Variants in SEM1 observed in about 807,000 individuals in gnomAD.
SEM1 encodes SEM1 26S proteasome subunit.
SEM1 carries 3 observed loss-of-function variants against 12.7 expected under a neutral mutation model. That is an observed-to-expected ratio of 0.24 (90% CI 0.11 to 0.61). The LOEUF (loss-of-function observed/expected upper bound fraction) is 0.61. Ranked by LOEUF, SEM1 falls within the 20% of genes least tolerant of loss-of-function variation. SEM1 has a pLI of 0.88. For synonymous variants in SEM1, 30 were observed against 27.8 expected, an observed-to-expected ratio of 1.08 and a Z score of -0.25; for missense variants, 59 against 81.3, an observed-to-expected ratio of 0.73 and a Z score of 1.06.
At chr7:96,544,211 T>C (rs1476491825) in intron 2 of SEM1, among the ~76,000 whole-genome samples, 1 of 152,086 alleles carries the variant, frequency 6.6e-6, no homozygotes, top group African/African-American at 2.4e-5. Flanking sequence ...TCTAGTATTA[T>C]AAATTTTGCA....
At chr7:96,537,202 T>C (rs992395249) in intron 2 of SEM1, among the ~76,000 whole-genome samples, 1 of 151,762 alleles carries the variant, frequency 6.6e-6, no homozygotes, top group Non-Finnish European at 1.5e-5. Context: ...TCTCAATTTC[T>C]CTCTATGGCC....
At chr7:96,648,442 C>G (rs1270049866) in intron 2 of SEM1, among the ~76,000 whole-genome samples, 1 of 152,158 alleles carries the variant, frequency 6.6e-6, no homozygotes, top group Non-Finnish European at 1.5e-5. Context: ...TAATTTCTGA[C>G]CACTTGCTAT....
At position 96,622,564 on chromosome 7, in the gene SEM1, A is replaced by G. The variant is rs1238868692; in HGVS notation, c.*52T>C. The G allele has an allele frequency of 1.6e-5, 12 of 761,688 alleles. No homozygotes were observed. In the Middle Eastern group the frequency reaches 6.8e-4, roughly 43 times the overall value. The allele number at this position is 761,688 out of a possible 1,614,324, so 47.2% of individuals were successfully genotyped here. A position where few individuals can be genotyped will look rare whatever the true frequency, so the allele number is the denominator to read the frequency against. ...TGGTACCTTTGCCTTCTTTCTTATT[A>G]GCTGCATGATCAATGTGAAGCCTGA... is the stretch of plus-strand genomic sequence containing the variant. On this transcript the variant is annotated 3_prime_UTR_variant, in exon 3 of 3. Transcript: ENST00000417009.
At chr7:96,486,931 G>C (rs993742383) in intron 1 of SEM1, among the ~76,000 whole-genome samples, 1 of 152,128 alleles carries the variant, frequency 6.6e-6, no homozygotes, top group Non-Finnish European at 1.5e-5. Flanking sequence ...AGCACTGTGC[G>C]CATGCCTGTG....
At chr7:96,661,710 G>A (rs1034115306) in intron 2 of SEM1, among the ~76,000 whole-genome samples, 23 of 152,148 alleles carry the variant, frequency 1.5e-4, no homozygotes, top group African/African-American at 5.3e-4. Flanking sequence ...TCAGGGGGCC[G>A]GGCGTGGTGC....
chr7:96,619,169 T>C (rs904625999), downstream of SEM1, among the ~76,000 whole-genome samples: 8 of 152,346 alleles, frequency 5.3e-5, no homozygotes, highest in Middle Eastern at 3.4e-3. Context: ...CCCTGCTTTT[T>C]CATATTTCCT....
At chr7:96,536,892 A>T (rs759035869) in intron 2 of SEM1, among the ~76,000 whole-genome samples, 1 of 151,780 alleles carries the variant, frequency 6.6e-6, no homozygotes, top group African/African-American at 2.4e-5. Flanking sequence ...TACTAAGTGT[A>T]TTTAAACCAG....
intron 2 of SEM1, among the ~76,000 whole-genome samples, chr7:96,582,232 T>C (rs1297785970): frequency 1.3e-5 from 2 of 150,016 alleles, no homozygotes; most frequent in African/African-American, 4.9e-5. Context: ...GAGATAATCA[T>C]GTGGTTTTTG....
At chr7:96,595,628 T>G (rs1416859419) in intron 2 of SEM1, among the ~76,000 whole-genome samples, 1 of 152,188 alleles carries the variant, frequency 6.6e-6, no homozygotes, top group Non-Finnish European at 1.5e-5. Context: ...AAAAGTCATG[T>G]TATTCTTCTT....
intron 2 of SEM1, among the ~76,000 whole-genome samples, chr7:96,542,396 G>A (rs1804984469): frequency 6.6e-6 from 1 of 151,724 alleles, no homozygotes. Flanking sequence ...TTGAGTCTTG[G>A]CTTGAATATT....
At chr7:96,510,016 G>A (rs1016717759) in intron 2 of SEM1, among the ~76,000 whole-genome samples, 1 of 152,040 alleles carries the variant, frequency 6.6e-6, no homozygotes, top group Non-Finnish European at 1.5e-5. Context: ...TAATACTGCT[G>A]AACTATATAT....
exon 4 of SEM1, chr7:96,481,641 T>G (rs1802547259): frequency 6.6e-6 from 1 of 152,148 alleles, no homozygotes; most frequent in Non-Finnish European, 1.5e-5. Context: ...ATATGTTTAT[T>G]AAAGTCTTTT....
At chr7:96,644,333 A>G (rs969736135) in intron 2 of SEM1, among the ~76,000 whole-genome samples, 3 of 152,156 alleles carry the variant, frequency 2.0e-5, no homozygotes, top group African/African-American at 4.8e-5. Flanking sequence ...ACCAAGTTCT[A>G]TCAGCCTTGT....
chr7:96,596,394 C>G (rs1806999806), intron 2 of SEM1, among the ~76,000 whole-genome samples: 1 of 152,156 alleles, frequency 6.6e-6, no homozygotes, highest in African/African-American at 2.4e-5. Flanking sequence ...CAAGGAGAAG[C>G]AAATGACAAG....
At chr7:96,686,353 T>G (rs560037908), downstream of SEM1, among the ~76,000 whole-genome samples, 175 of 152,260 alleles carry the variant, frequency 1.1e-3, no homozygotes, top group African/African-American at 4.1e-3. Context: ...GACAAAACAC[T>G]GGATAACTAC....
At chr7:96,559,329 C>A (rs1805623101) in intron 2 of SEM1, among the ~76,000 whole-genome samples, 1 of 152,182 alleles carries the variant, frequency 6.6e-6, no homozygotes, top group African/African-American at 2.4e-5. Context: ...GTGGCCCAGG[C>A]TGGAGTGCAG....
intron 2 of SEM1, among the ~76,000 whole-genome samples, chr7:96,628,497 T>C (rs969849880): frequency 2.6e-5 from 4 of 152,150 alleles, no homozygotes; most frequent in African/African-American, 9.6e-5. Context: ...ACTCATTGCA[T>C]AAACAAGCAA....
chr7:96,709,504 G>A (rs944558286), intron 1 of SEM1, among the ~76,000 whole-genome samples, 184 bp downstream of exon 1: 3 of 152,164 alleles, frequency 2.0e-5, no homozygotes, highest in African/African-American at 7.2e-5. Context: ...GTGAGTCCCA[G>A]CGCAACACCC....
intron 2 of SEM1, among the ~76,000 whole-genome samples, chr7:96,534,487 T>A (rs1362570149): frequency 6.6e-6 from 1 of 152,050 alleles, no homozygotes; most frequent in Non-Finnish European, 1.5e-5. Context: ...CCATTCGAAG[T>A]GCAAAACAGA....
Sources: gnomAD v4.1 joint callset for allele counts (sites outside exome capture counted in the v4.1 genomes callset) on GRCh38, gnomAD v4.1.1 for gene constraint, MANE v1.5 for transcripts, NCBI Gene and HGNC (gene_info 2026-07-23, HGNC 2026-07-21) for gene names.